Variants in KIAA1217 observed in about 807,000 individuals in gnomAD.
KIAA1217 encodes the protein sickle tail protein homolog.
Under a neutral mutation model 163.9 loss-of-function variants are expected in KIAA1217, and 88 were observed. The observed-to-expected ratio is 0.54, with a 90% CI of 0.45 to 0.64. The LOEUF is 0.64. KIAA1217 is among the 30% of genes least tolerant of loss of function. KIAA1217 has a pLI of 0.00. For synonymous variants in KIAA1217, 903 were observed against 923.1 expected, an observed-to-expected ratio of 0.98 and a Z score of 0.39; for missense variants, 2,372 against 2,475.0, an observed-to-expected ratio of 0.96 and a Z score of 0.88.
intron 1 of KIAA1217, among the ~76,000 whole-genome samples, chr10:23,737,285 G>A (rs1285292265): frequency 6.6e-6 from 1 of 152,054 alleles, no homozygotes; most frequent in Non-Finnish European, 1.5e-5. Flanking sequence ...TGCCACCTCT[G>A]CCTCCCAGGT....
intron 1 of KIAA1217, among the ~76,000 whole-genome samples, chr10:23,916,291 G>A (rs981215120): frequency 3.9e-5 from 6 of 152,134 alleles, no homozygotes; most frequent in Non-Finnish European, 8.8e-5. Context: ...GGCTTTCAAA[G>A]GTAAGTTAAG....
intron 2 of KIAA1217, among the ~76,000 whole-genome samples, chr10:24,135,243 C>T (rs1457834124): frequency 2.0e-5 from 3 of 152,192 alleles, no homozygotes; most frequent in Admixed American, 6.5e-5. Context: ...GTGATGGTCC[C>T]CGTCTCAGCA....
intron 2 of KIAA1217, among the ~76,000 whole-genome samples, chr10:24,192,521 G>T (rs141075320): frequency 2.0e-5 from 3 of 152,324 alleles, no homozygotes; most frequent in East Asian, 3.9e-4. Flanking sequence ...TCCCCATAAG[G>T]TTAAGTTCAT....
intron 2 of KIAA1217, among the ~76,000 whole-genome samples, chr10:24,227,143 G>GATTATT (rs56348020): frequency 0.37 from 55,141 of 148,560 alleles, 10,505 homozygotes; most frequent in Non-Finnish European, 0.39. Context: ...GATATAAAGG[G>GATTATT]ATTATTATTA....
intron 2 of KIAA1217, among the ~76,000 whole-genome samples, chr10:24,287,433 C>T (rs754857555): frequency 1.3e-5 from 2 of 152,194 alleles, no homozygotes; most frequent in Non-Finnish European, 1.5e-5. Flanking sequence ...TTTGAAAAAA[C>T]TTAGGCCGAC....
chr10:24,171,897 A>G (rs1252250141), intron 2 of KIAA1217, among the ~76,000 whole-genome samples: 2 of 152,248 alleles, frequency 1.3e-5, no homozygotes, highest in South Asian at 2.1e-4. Context: ...AGTTATTGAA[A>G]CCTTCCTGCA....
chr10:23,784,947 C>T lies in KIAA1217; in HGVS notation c.-321+89713C>T, dbSNP rs140283571. On this transcript the variant is annotated intron_variant, in intron 1 of 18. Transcript: ENST00000376462. ...AACTATTGTTTTGAAAAAAAACCAA[C>T]GCTTTTGAACAATTTTGCTATCTCT... 2.2e-4 allele frequency among the ~76,000 whole-genome samples: 33 copies of T among 152,240 alleles called. No individual in the cohort carries two copies. In the South Asian group the frequency reaches 2.9e-3, roughly 13 times the overall value.
intron 3 of KIAA1217, among the ~76,000 whole-genome samples, chr10:24,386,438 G>A (rs557009770): frequency 1.3e-3 from 203 of 152,244 alleles, no homozygotes; most frequent in Non-Finnish European, 1.6e-3. Flanking sequence ...AGGAAATCAG[G>A]GCAAAGGAAT....
chr10:24,312,017 G>A (rs1381677347), intron 2 of KIAA1217, among the ~76,000 whole-genome samples: 1 of 152,124 alleles, frequency 6.6e-6, no homozygotes, highest in African/African-American at 2.4e-5. Context: ...TCCTCCCTGT[G>A]CTGGTGTTAG....
intron 1 of KIAA1217, among the ~76,000 whole-genome samples, chr10:23,956,324 T>TAC (rs1309729308): frequency 6.6e-6 from 1 of 152,032 alleles, no homozygotes; most frequent in Non-Finnish European, 1.5e-5. Flanking sequence ...CACACACACA[T>TAC]ACACACACAC....
At chr10:23,724,774 C>T (rs1375042712) in intron 1 of KIAA1217, among the ~76,000 whole-genome samples, 1 of 152,180 alleles carries the variant, frequency 6.6e-6, no homozygotes, top group African/African-American at 2.4e-5. Context: ...TTATTTCCCT[C>T]CATAATAGGT....
At chr10:23,805,646 C>A (rs964583818) in intron 1 of KIAA1217, among the ~76,000 whole-genome samples, 1 of 152,082 alleles carries the variant, frequency 6.6e-6, no homozygotes, top group Admixed American at 6.6e-5. Context: ...GCCTATGTAA[C>A]AAACCTTAAC....
chr10:24,481,230 T>C (rs933987538), intron 6 of KIAA1217: 1 of 152,106 alleles, frequency 6.6e-6, no homozygotes, highest in African/African-American at 2.4e-5. Context: ...ATGAAGACAG[T>C]CATAAAATAT....
intron 3 of KIAA1217, among the ~76,000 whole-genome samples, chr10:24,383,334 G>C (rs763429134): frequency 3.3e-5 from 5 of 152,122 alleles, no homozygotes; most frequent in Admixed American, 1.3e-4. Flanking sequence ...TGACTCTGTC[G>C]GATAATGGAT....
intron 1 of KIAA1217, among the ~76,000 whole-genome samples, chr10:23,865,566 G>T (rs942962852): frequency 7.9e-5 from 12 of 151,744 alleles, no homozygotes; most frequent in Admixed American, 2.6e-4. Context: ...CATTCTAAAT[G>T]TTTTTCTTAA....
chr10:24,477,293 T>TTTA (rs1366869339), intron 6 of KIAA1217, among the ~76,000 whole-genome samples: 4 of 152,228 alleles, frequency 2.6e-5, no homozygotes, highest in African/African-American at 9.6e-5. Flanking sequence ...TATGATGTAA[T>TTTA]CATCATGACA....
intron 1 of KIAA1217, among the ~76,000 whole-genome samples, chr10:23,955,238 A>G (rs551976899): frequency 5.9e-5 from 9 of 152,334 alleles, no homozygotes; most frequent in Non-Finnish European, 1.0e-4. Context: ...CTTAGCTGAT[A>G]GCTGCCCTCC....
chr10:23,818,060 CATATATAT>C (rs753088348), intron 1 of KIAA1217, among the ~76,000 whole-genome samples: 1 of 83,928 alleles, frequency 1.2e-5, no homozygotes, highest in African/African-American at 6.0e-5. Flanking sequence ...CATATATATA[CATATATAT>C]ATACACACAC....
intron 9 of KIAA1217, among the ~76,000 whole-genome samples, chr10:24,506,515 G>C (rs1360315715): frequency 6.6e-6 from 1 of 152,166 alleles, no homozygotes; most frequent in Non-Finnish European, 1.5e-5. Flanking sequence ...TTTTACAAGA[G>C]TGCTTATAAA....
Sources: gnomAD v4.1 joint callset for allele counts (sites outside exome capture counted in the v4.1 genomes callset) on GRCh38, gnomAD v4.1.1 for gene constraint, MANE v1.5 for transcripts, NCBI Gene and HGNC (gene_info 2026-07-23, HGNC 2026-07-21) for gene names.